Variants in PITPNM2 observed in about 807,000 individuals in gnomAD.
PITPNM2 encodes the protein membrane-associated phosphatidylinositol transfer protein 2.
In PITPNM2, 35 loss-of-function variants were observed where a neutral mutation model predicts 132.2. That is an observed-to-expected ratio of 0.26 (90% CI 0.20 to 0.35). The LOEUF (loss-of-function observed/expected upper bound fraction) is 0.35. Among genes scored for constraint, PITPNM2 ranks in the 10% least tolerant of loss-of-function variants. PITPNM2 has a pLI of 1.00. For missense variants in PITPNM2, 1,332 were observed against 1,912.0 expected (o/e 0.70, Z 5.66); for synonymous variants, 738 against 799.2 (o/e 0.92, Z 1.29).
chr12:123,031,356 G>A lies in PITPNM2; in HGVS notation c.78+3157C>T, dbSNP rs571246099. Among the ~76,000 whole-genome samples the A allele has an allele frequency of 6.6e-6, 1 of 152,308 alleles. No homozygotes were observed. The highest frequency in any genetic ancestry group is 1.9e-4 in the East Asian group (1 of 5,178). ...CTCATTTTGTTGGAGCTCGGACTGG[G>A]GGCTGTGGAGGCCAGAACCCAGCGA... is the stretch of plus-strand genomic sequence containing the variant. On this transcript the variant is annotated intron_variant, in intron 3 of 25. Coordinates refer to ENST00000320201, the MANE Select transcript of PITPNM2 (RefSeq NM_020845.3). This position sits in a 1 kb window ranked among gnomAD's most constrained non-coding sequence, Gnocchi z 4.5.
chr12:123,094,989 G>A (rs57178349), intron 2 of PITPNM2, among the ~76,000 whole-genome samples: 6,339 of 152,248 alleles, frequency 0.042, 439 homozygotes, highest in African/African-American at 0.14. Context: ...TCTGGGCTTC[G>A]TGGCGCACTG....
intron 2 of PITPNM2, among the ~76,000 whole-genome samples, chr12:123,052,088 T>TTTTTTTTTTTG (rs2040879263): frequency 6.7e-6 from 1 of 148,206 alleles, no homozygotes; most frequent in Non-Finnish European, 1.5e-5. Context: ...TTTTTTTTTT[T>TTTTTTTTTTTG]TTTTTTTTTT....
At chr12:123,098,310 A>G (rs1446613179) in intron 2 of PITPNM2, among the ~76,000 whole-genome samples, 1 of 152,158 alleles carries the variant, frequency 6.6e-6, no homozygotes, top group African/African-American at 2.4e-5. Context: ...TGCCAGATGT[A>G]AGTCAGGACC....
At chr12:123,029,521 G>A (rs572725951) in intron 3 of PITPNM2, among the ~76,000 whole-genome samples, 1 of 152,220 alleles carries the variant, frequency 6.6e-6, no homozygotes, top group South Asian at 2.1e-4. Context: ...GAGAGGCAAA[G>A]GTTGCAGTGA....
intron 2 of PITPNM2, among the ~76,000 whole-genome samples, chr12:123,052,703 T>A (rs879217984): frequency 6.6e-6 from 1 of 152,158 alleles, no homozygotes; most frequent in Non-Finnish European, 1.5e-5. Flanking sequence ...TGAATCTCCC[T>A]TCCATTCTTG....
chr12:123,139,771 G>A (rs911853873), intron 1 of PITPNM2, among the ~76,000 whole-genome samples: 7 of 152,130 alleles, frequency 4.6e-5, no homozygotes, highest in African/African-American at 1.7e-4. Flanking sequence ...ACCACCTGGA[G>A]AGAAGGGAGG....
intron 1 of PITPNM2, among the ~76,000 whole-genome samples, chr12:123,147,717 G>A (rs78085991): frequency 0.15 from 22,922 of 152,194 alleles, 5,208 homozygotes; most frequent in African/African-American, 0.49. Flanking sequence ...GAAAGACAGT[G>A]TGGTATAGAA....
intron 3 of PITPNM2, chr12:123,021,771 G>A (rs1333811926): frequency 2.2e-6 from 2 of 906,144 alleles, no homozygotes; most frequent in African/African-American, 3.6e-5. Flanking sequence ...TCAAATGTCT[G>A]GGTACAAACC....
At chr12:123,025,253 T>C (rs2039815342) in intron 3 of PITPNM2, among the ~76,000 whole-genome samples, 1 of 152,154 alleles carries the variant, frequency 6.6e-6, no homozygotes, top group Non-Finnish European at 1.5e-5. Flanking sequence ...TGCACATGCA[T>C]ACACAGCCAC....
chr12:123,131,272 T>G (rs534145806), intron 1 of PITPNM2, among the ~76,000 whole-genome samples: 1 of 152,142 alleles, frequency 6.6e-6, no homozygotes, highest in Non-Finnish European at 1.5e-5. Context: ...CAGAGGCAGA[T>G]AGACACAGAG....
At chr12:123,140,216 G>A (rs2043474905) in intron 1 of PITPNM2, among the ~76,000 whole-genome samples, 1 of 152,184 alleles carries the variant, frequency 6.6e-6, no homozygotes, top group Admixed American at 6.5e-5. Context: ...CTGAGTCAGA[G>A]GTTCCCACAC....
intron 1 of PITPNM2, among the ~76,000 whole-genome samples, chr12:123,144,798 C>G (rs1171635412): frequency 6.6e-6 from 1 of 152,186 alleles, no homozygotes; most frequent in Non-Finnish European, 1.5e-5. Flanking sequence ...CTCCTGACCT[C>G]AGGTAATCCA....
chr12:122,986,808 G>T lies in PITPNM2; in HGVS notation c.3435C>A (p.Tyr1145Ter). The T allele has an allele frequency of 6.2e-7, 1 of 1,612,360 alleles. No individual in the cohort carries two copies. The highest frequency in any genetic ancestry group is 8.5e-7 in the Non-Finnish European group (1 of 1,179,476). The change falls in exon 24 of 26, where the codon TAC becomes TAA. Residue 1145 changes from tyrosine (Y) to a stop codon, truncating the protein, a stop_gained. Transcript: ENST00000320201. LOFTEE classifies it high-confidence loss of function. ...GCCGGCCCGTCACGTAGATGATGAG[G>T]TAGCCCAGGTCCTGCCAGTGCCTGG... ...DVVRHWQDLGYLIIYVTGRPD... is the reference protein window; with the variant it reads ...DVVRHWQDLG
chr12:123,145,781 C>T (rs985355750), intron 1 of PITPNM2, among the ~76,000 whole-genome samples: 9 of 152,152 alleles, frequency 5.9e-5, no homozygotes, highest in African/African-American at 2.2e-4. Flanking sequence ...GAGTTCCAGA[C>T]CAGTCTGGGC....
At chr12:123,072,313 A>T (rs1444005617) in intron 2 of PITPNM2, among the ~76,000 whole-genome samples, 3 of 152,218 alleles carry the variant, frequency 2.0e-5, no homozygotes, top group Non-Finnish European at 4.4e-5. Context: ...CTGATGGTAG[A>T]CAGGGGACAG....
At position 122,997,376 on chromosome 12, in the gene PITPNM2, C is replaced by T. The variant is rs200037826; in HGVS notation, c.1421G>A (p.Arg474His). 67 of 1,613,448 alleles carry T rather than the reference C, an allele frequency of 4.2e-5. No homozygotes were observed. The highest frequency in any genetic ancestry group is 2.0e-4 in the South Asian group (18 of 91,066). ...YPSALGRLAI[R>H]LVPCPPVCSD... ...GCAGACGGGCGGGCAGGGCACCAGG[C>T]GGATGGCAAGGCGGCCCAGGGCGCT... Residue 474 changes from arginine to histidine, a missense_variant, in exon 11 of 26, where the codon CGC (arginine) becomes CAC (histidine). Around this residue, in one of 6 missense-constraint regions of PITPNM2, gnomAD observed 710 missense variants for 911.5 expected, o/e 0.78. Coordinates refer to ENST00000320201, the MANE Select transcript of PITPNM2 (RefSeq NM_020845.3).
At position 123,078,836 on chromosome 12, in the gene PITPNM2, G is replaced by A. The variant is rs925329332; in HGVS notation, c.-96+31549C>T. 1.3e-5 allele frequency among the ~76,000 whole-genome samples: 2 copies of A among 152,174 alleles called. No individual in the cohort carries two copies. The highest frequency in any genetic ancestry group is 4.8e-5 in the African/African-American group (2 of 41,450). The stretch of plus-strand genomic sequence containing the variant: ...CAGCCTCACTGCTGCAGCTGCCCAC[G>A]TCCCAGCTTCGATACTGGCTTCAGC... On this transcript the variant is annotated intron_variant, in intron 2 of 25. Coordinates refer to ENST00000320201, the MANE Select transcript of PITPNM2 (RefSeq NM_020845.3). This position sits in a 1 kb window ranked among gnomAD's most constrained non-coding sequence, Gnocchi z 7.3.
At chr12:123,029,885 G>T (rs534667648) in intron 3 of PITPNM2, among the ~76,000 whole-genome samples, 1 of 150,140 alleles carries the variant, frequency 6.7e-6, no homozygotes, top group South Asian at 2.1e-4. Flanking sequence ...AGGGAGGGAG[G>T]AGCAGCCCAT....
intron 2 of PITPNM2, among the ~76,000 whole-genome samples, chr12:123,086,371 CT>C (rs754612003): frequency 5.3e-5 from 8 of 152,154 alleles, no homozygotes; most frequent in Non-Finnish European, 7.3e-5. Flanking sequence ...GTCTCTTGGG[CT>C]TTTCTGAGGA....
Sources: allele counts gnomAD v4.1 joint callset (sites outside exome capture counted in the v4.1 genomes callset), GRCh38; gene constraint gnomAD v4.1.1; regional missense constraint gnomAD v4.1.1; non-coding constraint Gnocchi (gnomAD v3.1); transcripts MANE v1.5; gene names NCBI Gene and HGNC (gene_info 2026-07-23, HGNC 2026-07-21).